The following MPHOSPH9 variants were observed in gnomAD, a reference collection of about 807,000 sequenced individuals.
The protein encoded by MPHOSPH9 is M-phase phosphoprotein 9.
In MPHOSPH9, 88 loss-of-function variants were observed where a neutral mutation model predicts 145.5. The ratio of observed to expected loss-of-function variants is 0.60; its 90% CI spans 0.51 to 0.72. The LOEUF is 0.72. Ranked by LOEUF, MPHOSPH9 falls within the 30% of genes least tolerant of loss-of-function variation. The probability of loss-of-function intolerance (pLI) is 0.00; values close to 1 mark genes in which losing one functional copy is unlikely to be tolerated. For missense variants in MPHOSPH9, 1,238 were observed against 1,386.6 expected (o/e 0.89, Z 1.70); for synonymous variants, 435 against 486.2 (o/e 0.89, Z 1.39).
chr12:123,231,396 C>T (rs1296206729), intron 1 of MPHOSPH9, among the ~76,000 whole-genome samples: 1 of 152,176 alleles, frequency 6.6e-6, no homozygotes, highest in East Asian at 1.9e-4. Flanking sequence ...ACAAGAAGAA[C>T]TGAACTACTT....
At chr12:123,185,082 G>T (rs2045380866) in intron 13 of MPHOSPH9, among the ~76,000 whole-genome samples, 1 of 152,106 alleles carries the variant, frequency 6.6e-6, no homozygotes, top group Non-Finnish European at 1.5e-5. Flanking sequence ...GAGATTATAG[G>T]CGTGAGCCAC....
intron 16 of MPHOSPH9, among the ~76,000 whole-genome samples, chr12:123,168,842 G>T (rs2044441906): frequency 6.6e-6 from 1 of 150,676 alleles, no homozygotes; most frequent in African/African-American, 2.4e-5. Flanking sequence ...TTTAGAGGCT[G>T]CCTCTTCTAT....
downstream of MPHOSPH9, chr12:123,152,380 T>A (rs1380269858): frequency 8.8e-6 from 3 of 339,446 alleles, no homozygotes; most frequent in East Asian, 2.5e-4. Context: ...AGATGGTCCC[T>A]GCTCCCGCGG....
chr12:123,205,234 G>A (rs2046374022), intron 8 of MPHOSPH9, among the ~76,000 whole-genome samples: 3 of 152,310 alleles, frequency 2.0e-5, no homozygotes, highest in South Asian at 4.1e-4. Context: ...GTGCATTAAA[G>A]GCATTAATTT....
At chr12:123,164,208 G>A in intron 18 of MPHOSPH9, 118 bp from the exon 19 acceptor site, 1 of 1,148,662 alleles carries the variant, frequency 8.7e-7, no homozygotes, top group South Asian at 1.4e-5. Flanking sequence ...CCACAGCTTA[G>A]GTTCTGCTCA....
intron 16 of MPHOSPH9, among the ~76,000 whole-genome samples, chr12:123,170,079 G>T (rs1453246624): frequency 6.6e-6 from 1 of 150,750 alleles, no homozygotes; most frequent in Admixed American, 6.6e-5. Context: ...TCAGGCTCAA[G>T]TGATTCTCCC....
rs1042725505 is a variant in MPHOSPH9 at position 123,194,604 on chromosome 12, A to G, written c.2026-3T>C. 46 of 1,567,338 alleles carry G rather than the reference A, an allele frequency of 2.9e-5. No individual in the cohort carries two copies. The highest frequency in any genetic ancestry group is 3.7e-5 in the Non-Finnish European group (43 of 1,167,600). On this transcript the variant is annotated splice_polypyrimidine_tract_variant and splice_region_variant and intron_variant, in intron 12 of 23. Transcript: ENST00000606320. ...CTGAAGCGTTCTCTCAAATCATTCT[A>G]TAAAACAAAGACAAACATAATTTTT...
chr12:123,159,114 C>T lies in MPHOSPH9; in HGVS notation c.3450+1667G>A, dbSNP rs759723140. ...CCAAACTAGATAAATAAAAGATTAG[C>T]CAAGACAACCCCACACCTTTTAAAA... On this transcript the variant is annotated intron_variant, in intron 23 of 23. Coordinates refer to ENST00000606320, the MANE Select transcript of MPHOSPH9 (RefSeq NM_022782.4). The surrounding 1 kb of genome is among the most constrained non-coding windows in gnomAD (Gnocchi z 4.3). Among the ~76,000 whole-genome samples the T allele has an allele frequency of 5.3e-5, 8 of 152,142 alleles. No homozygotes were observed. Among genetic ancestry groups the T allele is most frequent in the Non-Finnish European group, 1.0e-4 (7 of 68,024 alleles).
At chr12:123,169,951 G>A (rs1727291) in intron 16 of MPHOSPH9, among the ~76,000 whole-genome samples, 23,175 of 151,158 alleles carry the variant, frequency 0.15, 5,361 homozygotes, top group African/African-American at 0.5. Context: ...TACACAGAAG[G>A]CATAATGTAT....
chr12:123,238,049 C>T (rs1186923383), upstream of MPHOSPH9, among the ~76,000 whole-genome samples: 2 of 152,022 alleles, frequency 1.3e-5, no homozygotes, highest in South Asian at 2.1e-4. Context: ...GTGCACACCA[C>T]CACATCTGGC....
intron 10 of MPHOSPH9, 144 bp downstream of exon 10, chr12:123,202,480 A>T: frequency 8.5e-7 from 1 of 1,182,354 alleles, no homozygotes; most frequent in Non-Finnish European, 1.2e-6. Context: ...GTTAACAATC[A>T]AGTGAAAAAG....
chr12:123,171,123 T>C (rs1303507361), intron 16 of MPHOSPH9, among the ~76,000 whole-genome samples: 3 of 152,214 alleles, frequency 2.0e-5, no homozygotes, highest in Non-Finnish European at 2.9e-5. Flanking sequence ...TCTGGATACT[T>C]TTCCTTTATT....
chr12:123,162,042 A>G, intron 21 of MPHOSPH9, 73 bp downstream of exon 21: 1 of 945,150 alleles, frequency 1.1e-6, no homozygotes, highest in Non-Finnish European at 1.6e-6. Flanking sequence ...TAATATTTAG[A>G]ACACTGAGAG....
At chr12:123,237,266 A>G (rs1453419809), upstream of MPHOSPH9, among the ~76,000 whole-genome samples, 1 of 151,966 alleles carries the variant, frequency 6.6e-6, no homozygotes, top group Non-Finnish European at 1.5e-5. Context: ...CCCCGCCTCT[A>G]CTAAAAATAC....
At chr12:123,173,495 T>TG (rs765092424) in intron 16 of MPHOSPH9, among the ~76,000 whole-genome samples, 3 of 152,104 alleles carry the variant, frequency 2.0e-5, no homozygotes, top group African/African-American at 2.4e-5. Flanking sequence ...CCTCATCCTC[T>TG]GGGGGAAGGA....
At chr12:123,160,716 C>G in intron 23 of MPHOSPH9, 65 bp downstream of exon 23, 1 of 1,474,134 alleles carries the variant, frequency 6.8e-7, no homozygotes. Flanking sequence ...TTAAACCCCT[C>G]TTAGATAACT....
intron 8 of MPHOSPH9, among the ~76,000 whole-genome samples, chr12:123,207,242 A>G (rs2046475850): frequency 1.3e-5 from 2 of 151,644 alleles, no homozygotes; most frequent in Non-Finnish European, 2.9e-5. Context: ...ACAATACCGT[A>G]GAGTCAACAA....
intron 16 of MPHOSPH9, among the ~76,000 whole-genome samples, chr12:123,170,888 G>T (rs2044548110): frequency 6.6e-6 from 1 of 152,130 alleles, no homozygotes; most frequent in Non-Finnish European, 1.5e-5. Context: ...GAGAGTTCCT[G>T]TCTCTCCATA....
rs1048511912 is a variant in MPHOSPH9 at position 123,218,489 on chromosome 12, T to C, written c.883A>G (p.Thr295Ala). ...TGCTTCAGTTTTTGTGCCCATGATG[T>C]TATAGCATTACTATTTAAGAAGAGA... is the stretch of plus-strand genomic sequence containing the variant. ...YSGKTNSNAI[T>A]SWAQKLKQNQ... Residue 295 changes from threonine (T) to alanine (A), a missense_variant, in exon 6 of 24, where the codon ACA becomes GCA. Physicochemically the swap from Thr to Ala is moderately conservative, Grantham distance 58. Coordinates refer to ENST00000606320, the MANE Select transcript of MPHOSPH9 (RefSeq NM_022782.4). 1 of 1,613,682 alleles carries C rather than the reference T, an allele frequency of 6.2e-7. No homozygotes were observed. The highest frequency in any genetic ancestry group is 8.5e-7 in the Non-Finnish European group (1 of 1,179,750).
Sources: allele counts gnomAD v4.1 joint callset (sites outside exome capture counted in the v4.1 genomes callset), GRCh38; gene constraint gnomAD v4.1.1; non-coding constraint Gnocchi (gnomAD v3.1); transcripts MANE v1.5; gene names NCBI Gene and HGNC (gene_info 2026-07-23, HGNC 2026-07-21).